Variants in COL22A1 observed in about 807,000 individuals in gnomAD.
COL22A1 encodes collagen alpha-1(XXII) chain.
Under a neutral mutation model 248.9 loss-of-function variants are expected in COL22A1, and 221 were observed. That is an observed-to-expected ratio of 0.89 (90% CI 0.80 to 0.99). The LOEUF (loss-of-function observed/expected upper bound fraction) is 0.99, where lower values mean the gene tolerates loss of function less well. Among genes scored for constraint, COL22A1 ranks in the 50% least tolerant of loss-of-function variants. The probability of loss-of-function intolerance (pLI) is 0.00; values close to 1 mark genes in which losing one functional copy is unlikely to be tolerated. For missense variants in COL22A1, 2,240 were observed against 2,179.0 expected (o/e 1.03, Z -0.56); for synonymous variants, 891 against 793.4 (o/e 1.12, Z -2.07).
intron 32 of COL22A1, among the ~76,000 whole-genome samples, chr8:138,697,362 T>C (rs1827589475): frequency 6.6e-6 from 1 of 152,194 alleles, no homozygotes. Flanking sequence ...TCAGGCCGGT[T>C]GGACAGAGCC....
chr8:138,662,164 T>C, intron 42 of COL22A1, 81 bp from the exon 43 acceptor site: 2 of 1,191,376 alleles, frequency 1.7e-6, no homozygotes, highest in Non-Finnish European at 2.4e-6. Context: ...AATAGTTGGC[T>C]CTCCTTCAAC....
At chr8:138,684,533 C>A in intron 38 of COL22A1, 64 bp from the exon 39 acceptor site, 1 of 1,179,448 alleles carries the variant, frequency 8.5e-7, no homozygotes, top group Non-Finnish European at 1.3e-6. Flanking sequence ...CCATCCACCA[C>A]GTGCCAGGCT....
At chr8:138,781,197 C>T (rs1814958396) in intron 12 of COL22A1, among the ~76,000 whole-genome samples, 1 of 152,186 alleles carries the variant, frequency 6.6e-6, no homozygotes, top group Admixed American at 6.5e-5. Context: ...GGGTCCATGT[C>T]ATAGCCACAT....
chr8:138,719,412 G>A (rs1829697668), intron 27 of COL22A1, among the ~76,000 whole-genome samples: 1 of 152,192 alleles, frequency 6.6e-6, no homozygotes, highest in African/African-American at 2.4e-5. Flanking sequence ...GTACATTCAT[G>A]GGGGCCATGA....
At chr8:138,788,238 C>T (rs1012666018) in intron 12 of COL22A1, among the ~76,000 whole-genome samples, 1 of 152,184 alleles carries the variant, frequency 6.6e-6, no homozygotes, top group Non-Finnish European at 1.5e-5. Flanking sequence ...CTTAACAAGT[C>T]CTCCAGGTGA....
intron 47 of COL22A1, among the ~76,000 whole-genome samples, chr8:138,645,495 T>C (rs1035294813): frequency 5.9e-5 from 9 of 152,228 alleles, no homozygotes; most frequent in Non-Finnish European, 1.2e-4. Flanking sequence ...CTTGTTTAAA[T>C]GCTTTTCAAC....
At chr8:138,902,733 T>TACAC (rs1814690510) in intron 1 of COL22A1, among the ~76,000 whole-genome samples, 1 of 91,564 alleles carries the variant, frequency 1.1e-5, no homozygotes, top group East Asian at 3.1e-4. Flanking sequence ...TAAATATATA[T>TACAC]ATATATACAC....
chr8:138,857,172 C>T (rs574017908), intron 3 of COL22A1, among the ~76,000 whole-genome samples: 49 of 152,202 alleles, frequency 3.2e-4, no homozygotes, highest in African/African-American at 1.1e-3. Flanking sequence ...CCATGCCCAC[C>T]TCCAGCTTGC....
intron 52 of COL22A1, among the ~76,000 whole-genome samples, chr8:138,619,739 C>T (rs1044290432): frequency 6.6e-6 from 1 of 152,116 alleles, no homozygotes; most frequent in African/African-American, 2.4e-5. Context: ...CAGGTTGCAT[C>T]TCCAAATTAA....
chr8:138,751,621 A>G (rs2131342936), intron 21 of COL22A1, 110 bp from the exon 22 acceptor site: 5 of 639,236 alleles, frequency 7.8e-6, no homozygotes, highest in South Asian at 5.3e-5. Flanking sequence ...GTGTAATACC[A>G]TCCCATTCTG....
intron 12 of COL22A1, among the ~76,000 whole-genome samples, chr8:138,791,544 C>G (rs1816039545): frequency 6.6e-6 from 1 of 152,206 alleles, no homozygotes; most frequent in Non-Finnish European, 1.5e-5. Flanking sequence ...ATTCCAGGCA[C>G]CTTGACCTTT....
intron 56 of COL22A1, among the ~76,000 whole-genome samples, chr8:138,609,610 C>T (rs532498365): frequency 7.9e-5 from 12 of 152,326 alleles, no homozygotes; most frequent in Admixed American, 5.2e-4. Flanking sequence ...CACCTTCCTC[C>T]GCCCACCAAC....
intron 3 of COL22A1, 151 bp from the exon 4 acceptor site, chr8:138,844,309 C>T: frequency 1.4e-6 from 1 of 711,268 alleles, no homozygotes. Flanking sequence ...GGCATCTCCG[C>T]ACTCACTCAT....
chr8:138,754,189 T>C (rs934533385), intron 21 of COL22A1, among the ~76,000 whole-genome samples: 1 of 152,202 alleles, frequency 6.6e-6, no homozygotes, highest in Non-Finnish European at 1.5e-5. Flanking sequence ...GAAATATACA[T>C]GTATGTATGC....
intron 4 of COL22A1, among the ~76,000 whole-genome samples, chr8:138,841,263 G>A (rs945971110): frequency 1.3e-5 from 2 of 152,210 alleles, no homozygotes; most frequent in Non-Finnish European, 2.9e-5. Context: ...AAGACACAAA[G>A]AATAAAGCCC....
intron 50 of COL22A1, among the ~76,000 whole-genome samples, chr8:138,629,758 C>T (rs1300146982): frequency 1.2e-4 from 15 of 122,404 alleles, no homozygotes; most frequent in South Asian, 2.8e-4. Context: ...TTGACATGGA[C>T]GAAGTCTTAT....
In COL22A1 at chr8:138,856,696, G is replaced by A. The variant is rs564532273; in HGVS notation, c.659-12538C>T. Among the ~76,000 whole-genome samples the A allele has an allele frequency of 2.0e-5, 3 of 151,614 alleles. No individual in the cohort carries two copies. In the South Asian group the frequency reaches 6.3e-4, roughly 32 times the overall value. ...AGACAGGAGAGACAGCAAGAGAGAG[G>A]GATAGAGAGAGAGACAGAGGCAGTG... On this transcript the variant is annotated intron_variant, in intron 3 of 64. Transcript: ENST00000303045.
chr8:138,748,290 C>T, intron 22 of COL22A1, among the ~76,000 whole-genome samples: 1 of 152,206 alleles, frequency 6.6e-6, no homozygotes, highest in Non-Finnish European at 1.5e-5. Context: ...TTTATATGCA[C>T]TGAGCTCCTT....
chr8:138,753,174 T>C (rs1832742986), intron 21 of COL22A1, among the ~76,000 whole-genome samples: 1 of 152,222 alleles, frequency 6.6e-6, no homozygotes, highest in Non-Finnish European at 1.5e-5. Context: ...CTGTAGCTCA[T>C]GCTGCAGACA....
Sources: gnomAD v4.1 joint callset for allele counts (sites outside exome capture counted in the v4.1 genomes callset) on GRCh38, gnomAD v4.1.1 for gene constraint, MANE v1.5 for transcripts, NCBI Gene and HGNC (gene_info 2026-07-23, HGNC 2026-07-21) for gene names.